The following DLGAP2 variants were observed in gnomAD, a reference collection of about 807,000 sequenced individuals.
DLGAP2 encodes disks large-associated protein 2.
Under a neutral mutation model 100.3 loss-of-function variants are expected in DLGAP2, and 26 were observed. The ratio of observed to expected loss-of-function variants is 0.26; its 90% CI spans 0.19 to 0.36. The LOEUF is 0.36. Ranked by LOEUF, DLGAP2 falls within the 10% of genes least tolerant of loss-of-function variation. DLGAP2 has a pLI of 1.00. For synonymous variants in DLGAP2, 886 were observed against 630.1 expected, an observed-to-expected ratio of 1.41 and a Z score of -6.08; for missense variants, 1,858 against 1,453.2, an observed-to-expected ratio of 1.28 and a Z score of -4.53.
intron 4 of DLGAP2, among the ~76,000 whole-genome samples, chr8:1,506,246 A>G (rs997177335): frequency 6.6e-6 from 1 of 152,226 alleles, no homozygotes; most frequent in Admixed American, 6.5e-5. Flanking sequence ...TCAAAAAACA[A>G]AAACCCAGCT....
At chr8:771,871 G>C (rs534000573) in intron 1 of DLGAP2, among the ~76,000 whole-genome samples, 1 of 152,172 alleles carries the variant, frequency 6.6e-6, no homozygotes, top group African/African-American at 2.4e-5. Flanking sequence ...TGTGTCTGGT[G>C]GGGACAGAAT....
chr8:1,300,040 C>T (rs1057159931), intron 3 of DLGAP2: 7 of 152,174 alleles, frequency 4.6e-5, no homozygotes, highest in Admixed American at 1.3e-4. Flanking sequence ...CTGAAAGACC[C>T]TGATCCATTC....
intron 1 of DLGAP2, among the ~76,000 whole-genome samples, chr8:772,564 C>A (rs1409587656): frequency 1.3e-5 from 2 of 151,804 alleles, no homozygotes; most frequent in Non-Finnish European, 2.9e-5. Context: ...CTCAGGTGGT[C>A]TGCCTGCCTC....
intron 4 of DLGAP2, among the ~76,000 whole-genome samples, chr8:1,548,341 C>T (rs71499011): frequency 0.53 from 78,201 of 148,214 alleles, 20,897 homozygotes; most frequent in African/African-American, 0.61. Context: ...CGCCTGTAGT[C>T]CCAGCTACTC....
Position 1,079,566 on chromosome 8 carries a change from C to T in DLGAP2, c.73+171600C>T, listed in dbSNP as rs1249886243. Among the ~76,000 whole-genome samples, 3 of 152,308 alleles carry T rather than the reference C, an allele frequency of 2.0e-5. No homozygotes were observed. In the East Asian group the frequency reaches 5.8e-4, roughly 29 times the overall value. ...TTTGTGGTTTCGTCATACAGCTATG[C>T]TCCCCAACAAAGGAATAAGTTCTAA... On this transcript the variant is annotated intron_variant, in intron 2 of 14. Transcript: ENST00000637795.
rs142549161 is a variant in DLGAP2 at position 849,806 on chromosome 8, G to A, written c.19-58106G>A. The stretch of plus-strand genomic sequence containing the variant: ...TAAAAAAGCTAGGTTGCCCGGGCAC[G>A]GTGGCTCACACCTGAAATCCCAGCA... On this transcript the variant is annotated intron_variant, in intron 1 of 14. Transcript: ENST00000637795. Among the ~76,000 whole-genome samples the A allele has an allele frequency of 6.5e-3, 984 of 152,226 alleles. 11 individuals carry two copies. The highest frequency in any genetic ancestry group is 0.022 in the African/African-American group (927 of 41,534).
chr8:1,081,364 T>C (rs1236900843), intron 2 of DLGAP2, among the ~76,000 whole-genome samples: 1 of 152,208 alleles, frequency 6.6e-6, no homozygotes, highest in Non-Finnish European at 1.5e-5. Context: ...AAGAGAAAGT[T>C]TTTTTGAGAT....
intron 3 of DLGAP2, among the ~76,000 whole-genome samples, chr8:1,486,893 C>A (rs185768972): frequency 2.0e-5 from 3 of 152,198 alleles, no homozygotes; most frequent in Admixed American, 6.5e-5. Flanking sequence ...CTGCCTGGAA[C>A]GTTTGTCTCC....
At chr8:1,669,680 C>T (rs1585048400) in intron 9 of DLGAP2, 63 bp from the exon 10 acceptor site, 2 of 779,782 alleles carry the variant, frequency 2.6e-6, no homozygotes, top group East Asian at 2.4e-5. Flanking sequence ...AGCAGGGGAG[C>T]CGCCCGCTGG....
chr8:1,580,073 G>C (rs1189265621), intron 6 of DLGAP2, among the ~76,000 whole-genome samples: 2 of 152,124 alleles, frequency 1.3e-5, no homozygotes, highest in African/African-American at 4.8e-5. Flanking sequence ...CCACTGTTCT[G>C]TACACGATGA....
rs1797039044 is a variant in DLGAP2, at chr8:1,613,287, C to G, written c.1443-13453C>G. Reference sequence around the variant, plus strand: ...AATCATCATTCTCAGTAAACTATTGCAAGAACAAAAAACCAAACACCGCAT... The same window carrying G: ...AATCATCATTCTCAGTAAACTATTGGAAGAACAAAAAACCAAACACCGCAT... On this transcript the variant is annotated intron_variant, in intron 6 of 14. Coordinates refer to ENST00000637795, the MANE Select transcript of DLGAP2 (RefSeq NM_001346810.2). Among the ~76,000 whole-genome samples the G allele has an allele frequency of 3.4e-5, 5 of 145,128 alleles. No individual in the cohort carries two copies. The South Asian group carries it at 1.1e-3, about 33-fold the overall frequency.
intron 2 of DLGAP2, among the ~76,000 whole-genome samples, chr8:1,074,706 T>C (rs905041751): frequency 1.3e-5 from 2 of 152,192 alleles, no homozygotes; most frequent in African/African-American, 2.4e-5. Flanking sequence ...GAAGAGAGCA[T>C]TTCCCACTCC....
Position 1,704,756 on chromosome 8 carries a change from GT to G in DLGAP2, c.*3352del, listed in dbSNP as rs2130900300. ...AGATAAAAATATAATTACCTGTAAGGTTATCTGGTTTTAAAAGAAAAAAAAA... is the reference window on the plus strand; with the variant it reads ...AGATAAAAATATAATTACCTGTAAGGTATCTGGTTTTAAAAGAAAAAAAAA... On this transcript the variant is annotated 3_prime_UTR_variant, in exon 15 of 15. Transcript: ENST00000637795. The G allele has an allele frequency of 6.6e-6, 1 of 150,800 alleles. No individual in the cohort carries two copies. Among genetic ancestry groups the G allele is most frequent in the African/African-American group, 2.5e-5 (1 of 40,408 alleles). 9.3% of individuals were successfully genotyped at this position (150,800 alleles called of 1,614,324 possible).
intron 2 of DLGAP2, among the ~76,000 whole-genome samples, chr8:1,087,069 A>C (rs1263071256): frequency 6.6e-6 from 1 of 152,220 alleles, no homozygotes; most frequent in East Asian, 1.9e-4. Flanking sequence ...TTCTGACCAC[A>C]ATGATATGAA....
At chr8:1,242,254 A>C (rs4976873) in intron 2 of DLGAP2, among the ~76,000 whole-genome samples, 127,997 of 151,792 alleles carry the variant, frequency 0.84, 53,998 homozygotes, top group Middle Eastern at 0.92. Flanking sequence ...GGAAGAGGGG[A>C]GGTCGGGGGA....
At chr8:1,572,742 G>T (rs1268610697) in intron 6 of DLGAP2, among the ~76,000 whole-genome samples, 4 of 109,640 alleles carry the variant, frequency 3.6e-5, no homozygotes, top group African/African-American at 1.5e-4. Context: ...TGAACTGTGG[G>T]GGCGTCTGAT....
At chr8:1,357,625 C>T (rs1199090410) in intron 3 of DLGAP2, among the ~76,000 whole-genome samples, 3 of 152,152 alleles carry the variant, frequency 2.0e-5, no homozygotes, top group African/African-American at 4.8e-5. Context: ...AACTCTTACA[C>T]ATTTTCAAAA....
At chr8:1,163,027 T>C (rs562761114) in intron 2 of DLGAP2, among the ~76,000 whole-genome samples, 40 of 152,164 alleles carry the variant, frequency 2.6e-4, no homozygotes, top group Non-Finnish European at 5.6e-4. Context: ...GTGTTTGGTG[T>C]AGGACTCCGA....
At chr8:1,348,157 A>C (rs1035353178) in intron 3 of DLGAP2, among the ~76,000 whole-genome samples, 5 of 151,906 alleles carry the variant, frequency 3.3e-5, no homozygotes, top group Non-Finnish European at 7.4e-5. Flanking sequence ...ACAGAGCTAC[A>C]GTGCACTCAT....
Sources: gnomAD v4.1 joint callset for allele counts (sites outside exome capture counted in the v4.1 genomes callset) on GRCh38, gnomAD v4.1.1 for gene constraint, MANE v1.5 for transcripts, NCBI Gene and HGNC (gene_info 2026-07-23, HGNC 2026-07-21) for gene names.